Variants in DELE1 observed in about 807,000 individuals in gnomAD.
The protein encoded by DELE1 is death ligand signal enhancer.
In DELE1, 54 loss-of-function variants were observed where a neutral mutation model predicts 59.3. The ratio of observed to expected loss-of-function variants is 0.91; its 90% CI spans 0.73 to 1.14. The LOEUF is 1.14. Ranked by LOEUF, DELE1 falls within the 50% of genes most tolerant of loss-of-function variation. The probability of loss-of-function intolerance (pLI) is 0.00; values close to 1 mark genes in which losing one functional copy is unlikely to be tolerated. For synonymous variants in DELE1, 264 were observed against 259.1 expected (o/e 1.02, Z -0.18); for missense variants, 636 against 643.9 (o/e 0.99, Z 0.13).
At chr5:141,928,893 G>A (rs1373829489) in intron 4 of DELE1, among the ~76,000 whole-genome samples, 1 of 152,070 alleles carries the variant, frequency 6.6e-6, no homozygotes, top group Non-Finnish European at 1.5e-5. Context: ...CTGACACATA[G>A]TAAGTGTGTA....
chr5:141,933,357 T>A lies in DELE1; in HGVS notation c.853T>A (p.Leu285Met). The change falls in exon 8 of 12, where the codon TTG becomes ATG. Residue 285 changes from leucine (L) to methionine (M), a missense_variant. Coordinates refer to ENST00000432126, the MANE Select transcript of DELE1 (RefSeq NM_014773.5). ...GYSKAQYNAG[L>M]CHEHGRGTPR... ...CAGCAAAGCGCAGTACAATGCGGGC[T>A]TGTGTCATGAGCATGGCAGAGGCAC... 1 of 1,530,620 alleles carries A rather than the reference T, an allele frequency of 6.5e-7. No homozygotes were observed. Among genetic ancestry groups the A allele is most frequent in the Non-Finnish European group, 8.9e-7 (1 of 1,122,592 alleles). 94.8% of individuals were successfully genotyped at this position (1,530,620 alleles called of 1,614,324 possible). A position where few individuals can be genotyped will look rare whatever the true frequency, so the allele number is the denominator to read the frequency against.
chr5:141,938,119 C>T (rs1057464984), intron 11 of DELE1, among the ~76,000 whole-genome samples: 3 of 152,046 alleles, frequency 2.0e-5, no homozygotes, highest in Admixed American at 1.3e-4. Flanking sequence ...AGCCACCGCG[C>T]CCAGTCAAAC....
At chr5:141,937,715 G>A (rs1438055296) in intron 11 of DELE1, among the ~76,000 whole-genome samples, 1 of 135,486 alleles carries the variant, frequency 7.4e-6, no homozygotes, top group African/African-American at 2.8e-5. Context: ...AGCTTGCAGT[G>A]AGCCGAGATC....
At chr5:141,934,901 T>A (rs1349591412) in intron 10 of DELE1, 5 of 374,332 alleles carry the variant, frequency 1.3e-5, no homozygotes, top group Admixed American at 8.5e-5. Context: ...TGTTCAACAT[T>A]TACCAGCACA....
rs55983918 is a variant in DELE1, at chr5:141,938,406, G to A, written c.1310-115G>A. ...GAGCCCTGCTCACTCATGAGTCACTGGGGTTGGGAGTTAACAATGCCTGGG... is the reference window on the plus strand; with the variant it reads ...GAGCCCTGCTCACTCATGAGTCACTAGGGTTGGGAGTTAACAATGCCTGGG... On this transcript the variant is annotated intron_variant, in intron 11 of 11. Coordinates refer to ENST00000432126, the MANE Select transcript of DELE1 (RefSeq NM_014773.5). 4.0e-3 allele frequency: 5,967 copies of A among 1,473,498 alleles called. 175 individuals carry two copies. The African/African-American group carries it at 0.074, about 18-fold the overall frequency. The allele number at this position is 1,473,498 out of a possible 1,614,324, so 91.3% of individuals were successfully genotyped here.
rs1752726003 is a variant in DELE1 at position 141,941,350 on chromosome 5, T to G, written c.*2591T>G. ...GTAGGATATTTTTAAGCTCTCCAAT[T>G]TAAAAAGGAAGGGCCTCTCCTGTGG... On this transcript the variant is annotated 3_prime_UTR_variant, in exon 12 of 12. Transcript: ENST00000432126. 1.0e-6 allele frequency: 1 copy of G among 985,416 alleles called. No homozygotes were observed. Among genetic ancestry groups the G allele is most frequent in the African/African-American group, 1.7e-5 (1 of 57,270 alleles). 61.0% of individuals were successfully genotyped at this position (985,416 alleles called of 1,614,324 possible). A position where few individuals can be genotyped will look rare whatever the true frequency, so the allele number is the denominator to read the frequency against.
In DELE1 at chr5:141,929,983, T is replaced by C. The variant is rs189222083; in HGVS notation, c.572-6T>C. 2.5e-6 allele frequency: 4 copies of C among 1,613,732 alleles called. No homozygotes were observed. Among genetic ancestry groups the C allele is most frequent in the Non-Finnish European group, 1.7e-6 (2 of 1,179,872 alleles). ...CCCTGGCCGGGTGTCGGCCTTTCCC[T>C]TGCAGGTCCCGGTGATTTTGGCTTC... is the stretch of plus-strand genomic sequence containing the variant. On this transcript the variant is annotated splice_region_variant and splice_polypyrimidine_tract_variant and intron_variant, in intron 5 of 11. Coordinates refer to ENST00000432126, the MANE Select transcript of DELE1 (RefSeq NM_014773.5).
intron 7 of DELE1, among the ~76,000 whole-genome samples, chr5:141,930,827 C>G (rs944623111): frequency 9.2e-5 from 14 of 152,160 alleles, no homozygotes; most frequent in African/African-American, 3.4e-4. Context: ...TAACTTGGCT[C>G]ATTTTAGGCC....
intron 7 of DELE1, among the ~76,000 whole-genome samples, chr5:141,932,999 G>T (rs1367628757): frequency 1.3e-5 from 2 of 151,138 alleles, no homozygotes; most frequent in Admixed American, 6.6e-5. Flanking sequence ...GGAGGCTGAG[G>T]CAGGAGAATC....
Position 141,940,283 on chromosome 5 carries a change from A to G in DELE1, c.*1524A>G, listed in dbSNP as rs1449189075. 1.0e-6 allele frequency: 1 copy of G among 985,236 alleles called. No homozygotes were observed. Among genetic ancestry groups the G allele is most frequent in the Admixed American group, 6.2e-5 (1 of 16,254 alleles). 61.0% of individuals were successfully genotyped at this position (985,236 alleles called of 1,614,324 possible). On this transcript the variant is annotated 3_prime_UTR_variant, in exon 12 of 12. Coordinates refer to ENST00000432126, the MANE Select transcript of DELE1 (RefSeq NM_014773.5). ...AGGATCTTAAAAGCTTCTCCAGGAG[A>G]GAGACTTAGGAAAAAAAAAGATTTC...
chr5:141,926,000 C>T (rs1392625961), intron 3 of DELE1, among the ~76,000 whole-genome samples: 1 of 152,112 alleles, frequency 6.6e-6, no homozygotes, highest in Non-Finnish European at 1.5e-5. Context: ...CTGCTTCAGC[C>T]TCCCAAGTAG....
chr5:141,939,481 TTTC>T lies in DELE1; in HGVS notation c.*723_*725del. On this transcript the variant is annotated 3_prime_UTR_variant, in exon 12 of 12. Coordinates refer to ENST00000432126, the MANE Select transcript of DELE1 (RefSeq NM_014773.5). ...TCATCCCCCGTGGGCTCATAATCGTTTTCATTTCACCTTTGATTTGGAAGGAAG... is the reference window on the plus strand; with the variant it reads ...TCATCCCCCGTGGGCTCATAATCGTTATTTCACCTTTGATTTGGAAGGAAG... 1 of 985,836 alleles carries T rather than the reference TTTC, an allele frequency of 1.0e-6. No homozygotes were observed. Among genetic ancestry groups the T allele is most frequent in the South Asian group, 4.7e-5 (1 of 21,284 alleles). The allele number at this position is 985,836 out of a possible 1,614,324, so 61.1% of individuals were successfully genotyped here. A position where few individuals can be genotyped will look rare whatever the true frequency, so the allele number is the denominator to read the frequency against.
chr5:141,933,482 G>A, intron 8 of DELE1, 81 bp downstream of exon 8: 2 of 1,139,386 alleles, frequency 1.8e-6, no homozygotes, highest in Non-Finnish European at 2.3e-6. Flanking sequence ...GCAGGGATGG[G>A]GGAAAGTTTG....
At chr5:141,931,230 G>A (rs1200588638) in intron 7 of DELE1, 2 of 152,142 alleles carry the variant, frequency 1.3e-5, no homozygotes, top group South Asian at 2.1e-4. Context: ...CAGTAAGCGC[G>A]AAAATCCTGA....
chr5:141,932,629 A>G (rs1303286223), intron 7 of DELE1, among the ~76,000 whole-genome samples: 5 of 152,194 alleles, frequency 3.3e-5, no homozygotes, highest in Non-Finnish European at 7.3e-5. Context: ...GATTCCTGAG[A>G]AAGAACCTCC....
chr5:141,924,465 T>A, intron 1 of DELE1, 116 bp from the exon 2 acceptor site: 1 of 697,722 alleles, frequency 1.4e-6, no homozygotes, highest in Non-Finnish European at 2.6e-6. Context: ...TACCCTAGAA[T>A]CTGTAGTAGA....
Position 141,941,635 on chromosome 5 carries a change from G to A in DELE1, c.*2876G>A, listed in dbSNP as rs947411599. 24 of 985,252 alleles carry A rather than the reference G, an allele frequency of 2.4e-5. No individual in the cohort carries two copies. The highest frequency in any genetic ancestry group is 5.2e-4 in the Middle Eastern group (1 of 1,936). The allele number at this position is 985,252 out of a possible 1,614,324, so 61.0% of individuals were successfully genotyped here. A position where few individuals can be genotyped will look rare whatever the true frequency, so the allele number is the denominator to read the frequency against. ...TCAGGATGCTGGGTTAAAGCCCGGC[G>A]CCCTCACCAATGAGACCTTTGTGGG... On this transcript the variant is annotated 3_prime_UTR_variant, in exon 12 of 12. Coordinates refer to ENST00000432126, the MANE Select transcript of DELE1 (RefSeq NM_014773.5).
intron 8 of DELE1, chr5:141,933,899 GTCTC>G (rs767774912): frequency 1.3e-4 from 23 of 178,188 alleles, no homozygotes; most frequent in South Asian, 7.3e-4. Flanking sequence ...AGTGATCTAA[GTCTC>G]TCTCTCTCTC....
chr5:141,939,654 C>T lies in DELE1; in HGVS notation c.*895C>T. On this transcript the variant is annotated 3_prime_UTR_variant, in exon 12 of 12. Coordinates refer to ENST00000432126, the MANE Select transcript of DELE1 (RefSeq NM_014773.5). ...GGCCAGATACCCACCCACCTTCCCC[C>T]AAATCTTAAGCACCTGCGCCAGTAC... is the stretch of plus-strand genomic sequence containing the variant. The T allele has an allele frequency of 1.0e-6, 1 of 985,866 alleles. No individual in the cohort carries two copies. Among genetic ancestry groups the T allele is most frequent in the Middle Eastern group, 5.2e-4 (1 of 1,914 alleles). The allele number at this position is 985,866 out of a possible 1,614,324, so 61.1% of individuals were successfully genotyped here.
Sources: allele counts gnomAD v4.1 joint callset (sites outside exome capture counted in the v4.1 genomes callset), GRCh38; gene constraint gnomAD v4.1.1; transcripts MANE v1.5; gene names NCBI Gene and HGNC (gene_info 2026-07-23, HGNC 2026-07-21).